The following GRM7 variants were observed in gnomAD, a reference collection of about 807,000 sequenced individuals.
GRM7 encodes the protein glutamate metabotropic receptor 7.
Under a neutral mutation model 84.5 loss-of-function variants are expected in GRM7, and 35 were observed. The observed-to-expected ratio is 0.41, with a 90% CI of 0.32 to 0.55. The LOEUF is 0.55. Among genes scored for constraint, GRM7 ranks in the 20% least tolerant of loss-of-function variants. GRM7 has a pLI of 0.19. For missense variants in GRM7, 1,003 were observed against 1,194.6 expected (o/e 0.84, Z 2.36); for synonymous variants, 487 against 455.1 (o/e 1.07, Z -0.89).
At chr3:7,056,811 A>C (rs1255555645) in intron 1 of GRM7, among the ~76,000 whole-genome samples, 1 of 152,024 alleles carries the variant, frequency 6.6e-6, no homozygotes, top group African/African-American at 2.4e-5. Flanking sequence ...TTTCGTTTTT[A>C]ATAGTAGTAT....
chr3:7,063,522 G>T (rs924295933), intron 1 of GRM7, among the ~76,000 whole-genome samples: 2 of 151,652 alleles, frequency 1.3e-5, no homozygotes, highest in African/African-American at 4.8e-5. Flanking sequence ...GTTCTTGAAG[G>T]ATCCTAATTA....
chr3:7,272,259 T>C (rs1698893908), intron 2 of GRM7, among the ~76,000 whole-genome samples: 1 of 152,138 alleles, frequency 6.6e-6, no homozygotes, highest in Non-Finnish European at 1.5e-5. Flanking sequence ...TGCCATACAA[T>C]GCAGGTAAAA....
At chr3:7,074,711 G>A (rs1417907973) in intron 1 of GRM7, among the ~76,000 whole-genome samples, 1 of 152,126 alleles carries the variant, frequency 6.6e-6, no homozygotes, top group African/African-American at 2.4e-5. Flanking sequence ...CAAAAATCTG[G>A]TGTTTTCCAG....
At chr3:6,889,189 T>C (rs1230491148) in intron 1 of GRM7, among the ~76,000 whole-genome samples, 1 of 152,148 alleles carries the variant, frequency 6.6e-6, no homozygotes. Flanking sequence ...AGGGACAATT[T>C]GACTTCCTCT....
intron 7 of GRM7, among the ~76,000 whole-genome samples, chr3:7,575,188 T>A (rs1316813616): frequency 1.1e-4 from 17 of 152,192 alleles, no homozygotes; most frequent in Admixed American, 1.1e-3. Flanking sequence ...AGCTAGGATC[T>A]CAGCCCTTCC....
At chr3:7,216,606 A>G (rs1696621432) in intron 2 of GRM7, among the ~76,000 whole-genome samples, 2 of 152,178 alleles carry the variant, frequency 1.3e-5, no homozygotes, top group African/African-American at 4.8e-5. Flanking sequence ...ACATCTTTCA[A>G]TATGTAGGTT....
intron 1 of GRM7, among the ~76,000 whole-genome samples, chr3:7,012,590 AT>A (rs1356252872): frequency 1.3e-5 from 2 of 151,794 alleles, no homozygotes; most frequent in African/African-American, 2.4e-5. Flanking sequence ...AACCAGGAAG[AT>A]TTTTCTGACC....
intron 7 of GRM7, among the ~76,000 whole-genome samples, chr3:7,501,182 C>G (rs1432161836): frequency 6.6e-6 from 1 of 152,148 alleles, no homozygotes; most frequent in South Asian, 2.1e-4. Context: ...GATTCTAAAA[C>G]AAGCCCATAA....
At chr3:7,304,957 C>T (rs1407303856) in intron 3 of GRM7, among the ~76,000 whole-genome samples, 1 of 152,140 alleles carries the variant, frequency 6.6e-6, no homozygotes, top group Non-Finnish European at 1.5e-5. Context: ...GCTCTGTGCC[C>T]ACGGGCAGTG....
chr3:6,958,016 G>A (rs1271015463), intron 1 of GRM7, among the ~76,000 whole-genome samples: 1 of 151,922 alleles, frequency 6.6e-6, no homozygotes, highest in South Asian at 2.1e-4. Flanking sequence ...ACTCTGTTGA[G>A]GTAAAATTTA....
intron 4 of GRM7, among the ~76,000 whole-genome samples, chr3:7,348,735 A>G (rs1693001966): frequency 6.6e-6 from 1 of 152,098 alleles, no homozygotes; most frequent in Non-Finnish European, 1.5e-5. Context: ...ATGAGGCTAC[A>G]TCTCAGATCT....
intron 9 of GRM7, among the ~76,000 whole-genome samples, chr3:7,701,298 AT>A (rs35986412): frequency 0.25 from 30,505 of 119,922 alleles, 2,892 homozygotes; most frequent in East Asian, 0.6. Flanking sequence ...CTGTGGTTGC[AT>A]TTTTTTTTTT....
intron 2 of GRM7, among the ~76,000 whole-genome samples, chr3:7,202,124 C>T (rs975713146): frequency 2.0e-5 from 3 of 152,078 alleles, no homozygotes; most frequent in African/African-American, 7.2e-5. Flanking sequence ...AGTCTATAGT[C>T]ATCTTGTCTC....
At chr3:6,925,683 T>G (rs1208839815) in intron 1 of GRM7, among the ~76,000 whole-genome samples, 1 of 152,234 alleles carries the variant, frequency 6.6e-6, no homozygotes, top group Non-Finnish European at 1.5e-5. Flanking sequence ...AATGCTCTAG[T>G]TGATGATTTA....
chr3:7,591,996 G>A (rs1344717027), intron 8 of GRM7, among the ~76,000 whole-genome samples: 1 of 152,158 alleles, frequency 6.6e-6, no homozygotes, highest in South Asian at 2.1e-4. Flanking sequence ...CAGTTTCCTT[G>A]TTTATAAAAT....
chr3:7,116,214 G>A (rs1184377653), intron 1 of GRM7, among the ~76,000 whole-genome samples: 1 of 152,118 alleles, frequency 6.6e-6, no homozygotes, highest in East Asian at 1.9e-4. Flanking sequence ...ATTAGGCTTA[G>A]TGACCACAGA....
At chr3:7,621,287 T>G (rs185702682) in intron 8 of GRM7, among the ~76,000 whole-genome samples, 181 of 152,236 alleles carry the variant, frequency 1.2e-3, no homozygotes, top group Non-Finnish European at 1.7e-3. Flanking sequence ...AGTCGAGAAT[T>G]TCATGGGCTC....
intron 1 of GRM7, among the ~76,000 whole-genome samples, chr3:6,995,361 G>A (rs1418042678): frequency 1.3e-5 from 2 of 152,202 alleles, no homozygotes; most frequent in African/African-American, 2.4e-5. Flanking sequence ...ACATGTCTGT[G>A]TTGCAAGAAT....
intron 4 of GRM7, among the ~76,000 whole-genome samples, chr3:7,313,492 G>T (rs1238532540): frequency 6.6e-6 from 1 of 152,018 alleles, no homozygotes; most frequent in Admixed American, 6.6e-5. Context: ...GCAACCTAAG[G>T]TATTCTTAAT....
Sources: gnomAD v4.1 joint callset for allele counts (sites outside exome capture counted in the v4.1 genomes callset) on GRCh38, gnomAD v4.1.1 for gene constraint, MANE v1.5 for transcripts, NCBI Gene and HGNC (gene_info 2026-07-23, HGNC 2026-07-21) for gene names.